Variants in C2CD2 observed in about 807,000 individuals in gnomAD.
C2CD2 encodes C2 domain-containing protein 2.
In C2CD2, 43 loss-of-function variants were observed where a neutral mutation model predicts 74.3. The ratio of observed to expected loss-of-function variants is 0.58; its 90% CI spans 0.45 to 0.75. C2CD2 has a LOEUF of 0.75. C2CD2 is among the 30% of genes least tolerant of loss of function. The probability of loss-of-function intolerance (pLI) is 0.00; values close to 1 mark genes in which losing one functional copy is unlikely to be tolerated. For missense variants in C2CD2, 801 were observed against 916.3 expected (o/e 0.87, Z 1.63); for synonymous variants, 422 against 390.7 (o/e 1.08, Z -0.94).
intron 5 of C2CD2, 56 bp downstream of exon 5, chr21:41,918,049 T>G: frequency 6.2e-7 from 1 of 1,602,168 alleles, no homozygotes; most frequent in Non-Finnish European, 8.5e-7. Flanking sequence ...CCAAGAGAGG[T>G]GGGCCATGGT....
chr21:41,902,834 G>A (rs1385703348), intron 11 of C2CD2, among the ~76,000 whole-genome samples: 2 of 152,076 alleles, frequency 1.3e-5, no homozygotes, highest in East Asian at 3.9e-4. Flanking sequence ...ACGGAGCTGG[G>A]GCATCCTTCT....
In C2CD2 at chr21:41,915,771, CGTTT is replaced by C. The variant is rs371588323; in HGVS notation, c.721-1054_721-1051del. On this transcript the variant is annotated intron_variant, in intron 5 of 13. Transcript: ENST00000380486. The stretch of plus-strand genomic sequence containing the variant: ...GTTCTTTTATTTTATTTATTTTGTT[CGTTT>C]GTTTGTTTTAAGTTCTTTTTCTTTC... Among the ~76,000 whole-genome samples the C allele has an allele frequency of 2.5e-3, 373 of 152,168 alleles. 1 individual carries two copies. The highest frequency in any genetic ancestry group is 8.6e-3 in the African/African-American group (357 of 41,510).
In C2CD2 at chr21:41,951,602, C is replaced by T. The variant is rs1281611166; in HGVS notation, c.279+1768G>A. ...AGACCCTCTCTCCTCTCCCTGAACG[C>T]AACCCCTCCCTGCTCCCACACAAAG... On this transcript the variant is annotated intron_variant, in intron 1 of 13. Coordinates refer to ENST00000380486, the MANE Select transcript of C2CD2 (RefSeq NM_015500.2). Among the ~76,000 whole-genome samples, 7 of 152,140 alleles carry T rather than the reference C, an allele frequency of 4.6e-5. No homozygotes were observed. In the East Asian group the frequency reaches 1.2e-3, roughly 25 times the overall value.
chr21:41,946,969 C>T (rs1348622191), intron 1 of C2CD2, among the ~76,000 whole-genome samples: 3 of 152,128 alleles, frequency 2.0e-5, no homozygotes, highest in Non-Finnish European at 4.4e-5. Flanking sequence ...AACAACTCAA[C>T]GCCACAGGTA....
intron 2 of C2CD2, among the ~76,000 whole-genome samples, chr21:41,930,139 G>C (rs1361392375): frequency 6.7e-6 from 1 of 149,722 alleles, no homozygotes; most frequent in African/African-American, 2.4e-5. Context: ...CGGTGGGAGA[G>C]AGTTTCATCA....
intron 2 of C2CD2, among the ~76,000 whole-genome samples, chr21:41,932,389 C>T (rs959230914): frequency 6.7e-6 from 1 of 150,234 alleles, no homozygotes; most frequent in Non-Finnish European, 1.5e-5. Flanking sequence ...TGCTATGAGC[C>T]GCTCTAGTAA....
At chr21:41,902,107 A>C (rs2064906665) in intron 11 of C2CD2, among the ~76,000 whole-genome samples, 1 of 152,224 alleles carries the variant, frequency 6.6e-6, no homozygotes, top group African/African-American at 2.4e-5. Context: ...TACTCACTGA[A>C]GTGTCTGCTT....
At chr21:41,936,317 T>C (rs940449907) in intron 2 of C2CD2, among the ~76,000 whole-genome samples, 13 of 152,192 alleles carry the variant, frequency 8.5e-5, no homozygotes, top group African/African-American at 2.9e-4. Context: ...CTCCTTTAGA[T>C]GGCCAACAGG....
In C2CD2 at chr21:41,918,880, A is replaced by G. The variant is rs1449044941; in HGVS notation, c.573T>C (p.Asn191=). The G allele has an allele frequency of 1.9e-6, 3 of 1,614,128 alleles. No homozygotes were observed. Among genetic ancestry groups the G allele is most frequent in the African/African-American group, 2.7e-5 (2 of 75,076 alleles). The change falls in exon 4 of 14, where the codon AAT becomes AAC. Residue 191 remains asparagine, a synonymous_variant. Transcript: ENST00000380486. ...CCTCCCCCAGTGCTTTGGGCTGGATATTAACGGCCATTTCCGGCACACTGA... is the reference window on the plus strand; with the variant it reads ...CCTCCCCCAGTGCTTTGGGCTGGATGTTAACGGCCATTTCCGGCACACTGA... ...SFISVPEMAV[N]IQPKALGEDQ... is the part of the protein sequence containing the mutation.
At position 41,914,594 on chromosome 21, in the gene C2CD2, C is replaced by T. The variant is rs1258579933; in HGVS notation, c.844+4G>A. The T allele has an allele frequency of 1.2e-6, 2 of 1,612,858 alleles. No individual in the cohort carries two copies. Among genetic ancestry groups the T allele is most frequent in the Non-Finnish European group, 1.7e-6 (2 of 1,179,466 alleles). On this transcript the variant is annotated splice_donor_region_variant and intron_variant, in intron 6 of 13. Transcript: ENST00000380486. ...CAGGCAGGCAGGCTCCCATCGTCAC[C>T]CACCTGAGGCACCGGGCTCGCTGAG...
chr21:41,899,017 T>TG lies in C2CD2; in HGVS notation c.1870+35dup. 1 of 1,551,912 alleles carries TG rather than the reference T, an allele frequency of 6.4e-7. No individual in the cohort carries two copies. The highest frequency in any genetic ancestry group is 8.8e-7 in the Non-Finnish European group (1 of 1,133,168). ...CCAGCATGAGCGCAAAGCCACCAAG[T>TG]GGGGGGCCCGGGATGGGGGGCTCGG... On this transcript the variant is annotated intron_variant, in intron 13 of 13. Coordinates refer to ENST00000380486, the MANE Select transcript of C2CD2 (RefSeq NM_015500.2). This position sits in a 1 kb window ranked among gnomAD's most constrained non-coding sequence, Gnocchi z 4.4.
chr21:41,913,717 G>C (rs2065054420), intron 6 of C2CD2, among the ~76,000 whole-genome samples: 1 of 152,094 alleles, frequency 6.6e-6, no homozygotes, highest in African/African-American at 2.4e-5. Flanking sequence ...TAACATACTC[G>C]GGCAATACAA....
rs150220934 is a variant in C2CD2, at chr21:41,889,504, G to A, written c.1871-160C>T. ...CACTACCTGCATGAGAAAAATAACT[G>A]GAATCTGGCTTGTACAAAACGAGAG... On this transcript the variant is annotated intron_variant, in intron 13 of 13. Transcript: ENST00000380486. Among the ~76,000 whole-genome samples, 279 of 152,196 alleles carry A rather than the reference G, an allele frequency of 1.8e-3. 3 individuals are homozygous for A. The highest frequency in any genetic ancestry group is 0.015 in the Admixed American group (236 of 15,288).
chr21:41,907,390 A>G (rs2064975610), intron 9 of C2CD2, among the ~76,000 whole-genome samples: 1 of 152,234 alleles, frequency 6.6e-6, no homozygotes, highest in Non-Finnish European at 1.5e-5. Context: ...AAGCTGGGGA[A>G]CCAAGCAAAA....
At chr21:41,898,782 A>G (rs218370) in intron 13 of C2CD2, among the ~76,000 whole-genome samples, 61,267 of 152,062 alleles carry the variant, frequency 0.4, 12,701 homozygotes, top group African/African-American at 0.48. Context: ...CAGGTGGAGC[A>G]AGCCCAGACT....
intron 1 of C2CD2, among the ~76,000 whole-genome samples, chr21:41,948,495 A>G (rs2065421162): frequency 6.6e-6 from 1 of 152,238 alleles, no homozygotes. Context: ...AAAAAAGATA[A>G]GAATTCCAAA....
At chr21:41,931,435 T>C (rs2065260393) in intron 2 of C2CD2, among the ~76,000 whole-genome samples, 1 of 148,244 alleles carries the variant, frequency 6.7e-6, no homozygotes, top group Non-Finnish European at 1.5e-5. Context: ...TCTTTTTTTT[T>C]TTTTTTGAGA....
chr21:41,910,520 G>C (rs552466902), intron 7 of C2CD2, among the ~76,000 whole-genome samples: 4 of 152,238 alleles, frequency 2.6e-5, no homozygotes, highest in African/African-American at 9.6e-5. Context: ...CTGTGAGGTG[G>C]AAAGATGACC....
chr21:41,949,341 T>C (rs2065431367), intron 1 of C2CD2, among the ~76,000 whole-genome samples: 1 of 152,186 alleles, frequency 6.6e-6, no homozygotes, highest in African/African-American at 2.4e-5. Flanking sequence ...GATACCATAA[T>C]ATTAGTTCTC....
Sources: allele counts gnomAD v4.1 joint callset (sites outside exome capture counted in the v4.1 genomes callset), GRCh38; gene constraint gnomAD v4.1.1; non-coding constraint Gnocchi (gnomAD v3.1); transcripts MANE v1.5; gene names NCBI Gene and HGNC (gene_info 2026-07-23, HGNC 2026-07-21).